Variants in RASA2 observed in about 807,000 individuals in gnomAD.
RASA2 encodes ras GTPase-activating protein 2.
RASA2 carries 155 observed loss-of-function variants against 118.2 expected under a neutral mutation model. The ratio of observed to expected loss-of-function variants is 1.31; its 90% CI spans 1.15 to 1.50. The LOEUF is 1.50. Ranked by LOEUF, RASA2 falls within the 40% of genes most tolerant of loss-of-function variation. RASA2 has a pLI of 0.00. For synonymous variants in RASA2, 353 were observed against 349.1 expected, an observed-to-expected ratio of 1.01 and a Z score of -0.12; for missense variants, 1,016 against 1,009.6, an observed-to-expected ratio of 1.01 and a Z score of -0.09.
At chr3:141,509,909 A>G (rs981548427) in intron 1 of RASA2, among the ~76,000 whole-genome samples, 2 of 152,194 alleles carry the variant, frequency 1.3e-5, no homozygotes, top group Admixed American at 6.5e-5. Context: ...AAAAGGTGAG[A>G]TTCCTCAATT....
chr3:141,489,707 G>A (rs774468830), intron 1 of RASA2, among the ~76,000 whole-genome samples: 10 of 152,182 alleles, frequency 6.6e-5, no homozygotes, highest in Non-Finnish European at 1.2e-4. Flanking sequence ...TGAAAAGTGA[G>A]GATGGATTGG....
In RASA2 at chr3:141,501,823, A is replaced by AT. The variant is rs201076344; in HGVS notation, c.134-10335dup. Among the ~76,000 whole-genome samples the AT allele has an allele frequency of 4.4e-3, 668 of 152,134 alleles. 5 individuals carry two copies. The highest frequency in any genetic ancestry group is 0.015 in the African/African-American group (637 of 41,518). On this transcript the variant is annotated intron_variant, in intron 1 of 23. Transcript: ENST00000286364. ...TAGTCAATACCAGAGACTATATCATATTTTTAAATGTGCATTAGATTCATT... is the reference window on the plus strand; with the variant it reads ...TAGTCAATACCAGAGACTATATCATATTTTTTAAATGTGCATTAGATTCATT...
Position 141,608,795 on chromosome 3 carries a change from C to G in RASA2, c.2225+98C>G. 5 of 1,306,626 alleles carry G rather than the reference C, an allele frequency of 3.8e-6. No individual in the cohort carries two copies. In the South Asian group the frequency reaches 4.1e-5, roughly 11 times the overall value. 80.9% of individuals were successfully genotyped at this position (1,306,626 alleles called of 1,614,324 possible). ...CCATGAAAAGGAATGACATACTGAT[C>G]CATGCAACAACAAGGATGGGACCTT... On this transcript the variant is annotated intron_variant, in intron 21 of 23. Coordinates refer to ENST00000286364, the MANE Select transcript of RASA2 (RefSeq NM_006506.5).
At chr3:141,509,553 T>A (rs2081919033) in intron 1 of RASA2, among the ~76,000 whole-genome samples, 1 of 152,224 alleles carries the variant, frequency 6.6e-6, no homozygotes, top group African/African-American at 2.4e-5. Context: ...TAATTCCAAA[T>A]TTTTTATATT....
chr3:141,585,764 C>T (rs2083191234), intron 17 of RASA2, among the ~76,000 whole-genome samples: 1 of 152,182 alleles, frequency 6.6e-6, no homozygotes, highest in Admixed American at 6.5e-5. Flanking sequence ...TGCACCACTG[C>T]ACTCCAGCCT....
chr3:141,609,048 G>A (rs968206775), intron 21 of RASA2, among the ~76,000 whole-genome samples: 1 of 152,120 alleles, frequency 6.6e-6, no homozygotes, highest in Non-Finnish European at 1.5e-5. Flanking sequence ...AAAATTTTAA[G>A]GCAATGTTTA....
chr3:141,551,754 T>TA (rs1252688032), intron 5 of RASA2, among the ~76,000 whole-genome samples: 1 of 151,644 alleles, frequency 6.6e-6, no homozygotes, highest in African/African-American at 2.4e-5. Flanking sequence ...TCTTTTAGTT[T>TA]AAAAAAAAAT....
At chr3:141,505,465 GA>G (rs1328275718) in intron 1 of RASA2, among the ~76,000 whole-genome samples, 2 of 152,204 alleles carry the variant, frequency 1.3e-5, no homozygotes, top group Non-Finnish European at 2.9e-5. Flanking sequence ...TCTTTGGAGA[GA>G]AAAACAGGTA....
At chr3:141,598,848 G>A (rs2083416280) in intron 19 of RASA2, among the ~76,000 whole-genome samples, 1 of 152,118 alleles carries the variant, frequency 6.6e-6, no homozygotes, top group African/African-American at 2.4e-5. Flanking sequence ...ACTTTGGGAG[G>A]CCAAGGTGGG....
intron 19 of RASA2, among the ~76,000 whole-genome samples, chr3:141,598,616 A>G (rs1047975250): frequency 5.3e-5 from 8 of 152,250 alleles, no homozygotes; most frequent in African/African-American, 1.9e-4. Flanking sequence ...TCCTCAGAAC[A>G]GCTACTTGAA....
chr3:141,487,089 GGCGGCGGCGCCTGCTGCT>G lies in RASA2; in HGVS notation c.15_32del (p.Pro6_Ala11del), dbSNP rs769524904. The G allele has an allele frequency of 9.5e-6, 13 of 1,367,560 alleles. No homozygotes were observed. The highest frequency in any genetic ancestry group is 7.6e-5 in the African/African-American group (5 of 65,378). The allele number at this position is 1,367,560 out of a possible 1,614,324, so 84.7% of individuals were successfully genotyped here. On this transcript the variant is annotated inframe_deletion, in exon 1 of 24. Coordinates refer to ENST00000286364, the MANE Select transcript of RASA2 (RefSeq NM_006506.5). ...GGCACGGGCCGGGCGGCACCATGGC[GGCGGCGGCGCCTGCTGCT>G]GCGGCGGCTTCTTCCGAGGCGCCAG...
At position 141,514,877 on chromosome 3, in the gene RASA2, AC is replaced by A. The variant is rs1304282429; in HGVS notation, c.252-1450del. ...CAACAACATCGAAAAAATCTCATAG[AC>A]ATTAAGCTGAATGAACAAAGCTGGA... is the stretch of plus-strand genomic sequence containing the variant. On this transcript the variant is annotated intron_variant, in intron 2 of 23. Coordinates refer to ENST00000286364, the MANE Select transcript of RASA2 (RefSeq NM_006506.5). Among the ~76,000 whole-genome samples, 14 of 152,368 alleles carry A rather than the reference AC, an allele frequency of 9.2e-5. No individual in the cohort carries two copies. In the East Asian group the frequency reaches 9.6e-4, roughly 10 times the overall value.
intron 1 of RASA2, among the ~76,000 whole-genome samples, chr3:141,494,281 A>G (rs559054263): frequency 1.3e-5 from 2 of 152,266 alleles, no homozygotes; most frequent in African/African-American, 2.4e-5. Context: ...CTCACCAGCA[A>G]TGTATGACTG....
intron 4 of RASA2, among the ~76,000 whole-genome samples, chr3:141,536,907 C>A (rs576292809): frequency 6.6e-6 from 1 of 152,024 alleles, no homozygotes; most frequent in Admixed American, 6.5e-5. Context: ...GCTGCCACAC[C>A]CGGCTAATTT....
Position 141,496,583 on chromosome 3 carries a change from A to G in RASA2, c.133+9367A>G, listed in dbSNP as rs139164864. ...GAAATAATGCTTATCATCACTGGCC[A>G]TCAGAGAAATGCAAATCAAAACCAC... On this transcript the variant is annotated intron_variant, in intron 1 of 23. Coordinates refer to ENST00000286364, the MANE Select transcript of RASA2 (RefSeq NM_006506.5). Among the ~76,000 whole-genome samples, 3 of 152,336 alleles carry G rather than the reference A, an allele frequency of 2.0e-5. No individual in the cohort carries two copies. The South Asian group carries it at 6.2e-4, about 32-fold the overall frequency.
At chr3:141,494,782 C>CT (rs201867206) in intron 1 of RASA2, among the ~76,000 whole-genome samples, 87 of 151,764 alleles carry the variant, frequency 5.7e-4, no homozygotes, top group Admixed American at 2.0e-3. Flanking sequence ...TTCTTTTGTC[C>CT]TTTTTTTTCT....
rs1163622509 is a variant in RASA2 at position 141,558,806 on chromosome 3, T to G, written c.685-80T>G. The G allele has an allele frequency of 3.7e-6, 4 of 1,080,410 alleles. No individual in the cohort carries two copies. The African/African-American group carries it at 4.8e-5, about 13-fold the overall frequency. The allele number at this position is 1,080,410 out of a possible 1,614,324, so 66.9% of individuals were successfully genotyped here. A position where few individuals can be genotyped will look rare whatever the true frequency, so the allele number is the denominator to read the frequency against. The stretch of plus-strand genomic sequence containing the variant: ...CTCTGCTTTTATCCACAATTGAATA[T>G]TTTGCAGATGATCATTTTTAAGCTG... On this transcript the variant is annotated intron_variant, in intron 7 of 23. Coordinates refer to ENST00000286364, the MANE Select transcript of RASA2 (RefSeq NM_006506.5).
At position 141,555,870 on chromosome 3, in the gene RASA2, G is replaced by A; in HGVS notation, c.642G>A (p.Lys214=). 1 of 1,612,484 alleles carries A rather than the reference G, an allele frequency of 6.2e-7. No homozygotes were observed. The change falls in exon 7 of 24, where the codon AAG becomes AAA. Residue 214 remains lysine, a synonymous_variant. Transcript: ENST00000286364. ...ACCAAAAGAAGACAAAAGTAAAGAA[G>A]AAAACAAGCAATCCGCAGTTTAATG... ...RNDQKKTKVK[K]KTSNPQFNEI...
chr3:141,549,445 G>A (rs1386732212), intron 5 of RASA2, among the ~76,000 whole-genome samples: 2 of 151,130 alleles, frequency 1.3e-5, no homozygotes, highest in Non-Finnish European at 2.9e-5. Flanking sequence ...ACTTCTCTAG[G>A]GAAAAATAGT....
Sources: gnomAD v4.1 joint callset for allele counts (sites outside exome capture counted in the v4.1 genomes callset) on GRCh38, gnomAD v4.1.1 for gene constraint, MANE v1.5 for transcripts, NCBI Gene and HGNC (gene_info 2026-07-23, HGNC 2026-07-21) for gene names.